Variants in MYBPC3 observed in about 807,000 individuals in gnomAD.
MYBPC3 encodes myosin binding protein C3.
Under a neutral mutation model 159.3 loss-of-function variants are expected in MYBPC3, and 108 were observed. That is an observed-to-expected ratio of 0.68 (90% CI 0.58 to 0.80). The LOEUF is 0.80. Among genes scored for constraint, MYBPC3 ranks in the 30% least tolerant of loss-of-function variants. The pLI, the probability that MYBPC3 is intolerant of heterozygous loss-of-function variation, is 0.00. For synonymous variants in MYBPC3, 730 were observed against 702.0 expected, an observed-to-expected ratio of 1.04 and a Z score of -0.63; for missense variants, 1,631 against 1,762.1, an observed-to-expected ratio of 0.93 and a Z score of 1.33.
chr11:47,332,750 C>CACAG lies in MYBPC3; in HGVS notation c.3491-49_3491-48insCTGT. ...CCGAGAGGGCCACACAAAGCTAGGC[C>CACAG]CCTCTCCCTGTTCCCACAGCCTCCC... On this transcript the variant is annotated intron_variant, in intron 31 of 34. Coordinates refer to ENST00000545968, the MANE Select transcript of MYBPC3 (RefSeq NM_000256.3). The surrounding 1 kb of genome is among the most constrained non-coding windows in gnomAD (Gnocchi z 4.2). 1 of 1,585,296 alleles carries CACAG rather than the reference C, an allele frequency of 6.3e-7. No homozygotes were observed. The highest frequency in any genetic ancestry group is 8.6e-7 in the Non-Finnish European group (1 of 1,164,954).
intron 9 of MYBPC3, 59 bp downstream of exon 9, chr11:47,347,367 T>C: frequency 6.4e-7 from 1 of 1,553,972 alleles, no homozygotes; most frequent in Non-Finnish European, 8.7e-7. Flanking sequence ...CAAACCACAG[T>C]GCTGGGATTT....
At chr11:47,347,102 T>G (rs1283418156) in intron 9 of MYBPC3, 73 bp from the exon 10 acceptor site, 2 of 1,048,306 alleles carry the variant, frequency 1.9e-6, no homozygotes. Flanking sequence ...AGAACATAAG[T>G]CAGTTGGGCC....
At chr11:47,349,752 T>C in intron 5 of MYBPC3, 22 bp downstream of exon 5, 4 of 1,598,892 alleles carry the variant, frequency 2.5e-6, no homozygotes, top group South Asian at 1.1e-5. Context: ...TCTCCGTGTC[T>C]CCACGACCCC....
chr11:47,346,997 G>GC lies in MYBPC3; in HGVS notation c.908+29dup. On this transcript the variant is annotated intron_variant, in intron 10 of 34. Coordinates refer to ENST00000545968, the MANE Select transcript of MYBPC3 (RefSeq NM_000256.3). The surrounding 1 kb of genome is among the most constrained non-coding windows in gnomAD (Gnocchi z 5.3). ...CCTCTGCACCCACCAGCGCCCTGCC[G>GC]CCCCCAAACACCCAGACCCCGATTC... 1.3e-6 allele frequency: 1 copy of GC among 775,542 alleles called. No individual in the cohort carries two copies. 48.0% of individuals were successfully genotyped at this position (775,542 alleles called of 1,614,324 possible).
chr11:47,339,228 G>C, intron 22 of MYBPC3, 96 bp downstream of exon 22: 1 of 1,339,140 alleles, frequency 7.5e-7, no homozygotes, highest in South Asian at 1.2e-5. Flanking sequence ...GGCCAAGTGT[G>C]GCACCTCCAT....
At chr11:47,352,578 C>A (rs368104846) in intron 1 of MYBPC3, 45 bp downstream of exon 1, 17 of 1,595,222 alleles carry the variant, frequency 1.1e-5, no homozygotes, top group South Asian at 7.9e-5. Context: ...ATTGTAGACA[C>A]CCCCCTGCTC....
rs942812620 is a variant in MYBPC3 at position 47,337,471 on chromosome 11, A to G, written c.2522T>C (p.Val841Ala). 2 of 1,613,872 alleles carry G rather than the reference A, an allele frequency of 1.2e-6. No individual in the cohort carries two copies. Among genetic ancestry groups the G allele is most frequent in the Non-Finnish European group, 1.7e-6 (2 of 1,179,874 alleles). ...HEARRMIEGV[V>A]YEMRVYAVNA... Reference sequence around the variant, plus strand: ...GACCGCGTAGACGCGCATCTCGTACACCACGCCCTCGATCATGCGCCGCGC... The same window carrying G: ...GACCGCGTAGACGCGCATCTCGTACGCCACGCCCTCGATCATGCGCCGCGC... Residue 841 changes from valine to alanine, a missense_variant, in exon 25 of 35, where the codon GTG becomes GCG. Physicochemically the swap from Val to Ala is moderately conservative, Grantham distance 64. Transcript: ENST00000545968.
intron 13 of MYBPC3, 100 bp from the exon 14 acceptor site, chr11:47,343,362 G>A: frequency 6.7e-7 from 1 of 1,482,486 alleles, no homozygotes; most frequent in South Asian, 1.4e-5. Context: ...AAAAGGATGG[G>A]AAATTAGGCC....
intron 17 of MYBPC3, 143 bp downstream of exon 17, chr11:47,342,435 G>T: frequency 8.9e-7 from 1 of 1,128,500 alleles, no homozygotes; most frequent in Non-Finnish European, 1.2e-6. Context: ...TTAGAGATGA[G>T]AAGGATGAGG....
At position 47,352,610 on chromosome 11, in the gene MYBPC3, G is replaced by T. The variant is rs972078881; in HGVS notation, c.25+13C>A. ...GCTCCCACACTTAGACCCAACCCCA[G>T]TCCTAAAGCTACCTGGCTTCTTCCC... is the stretch of plus-strand genomic sequence containing the variant. On this transcript the variant is annotated intron_variant, in intron 1 of 34. Transcript: ENST00000545968. 1.2e-6 allele frequency: 2 copies of T among 1,601,420 alleles called. No homozygotes were observed. The highest frequency in any genetic ancestry group is 1.7e-6 in the Non-Finnish European group (2 of 1,174,130).
In MYBPC3 at chr11:47,352,477, G is replaced by C. The variant is rs561395961; in HGVS notation, c.25+146C>G. 9 of 981,772 alleles carry C rather than the reference G, an allele frequency of 9.2e-6. No individual in the cohort carries two copies. In the East Asian group the frequency reaches 2.7e-4, roughly 29 times the overall value. The allele number at this position is 981,772 out of a possible 1,614,324, so 60.8% of individuals were successfully genotyped here. On this transcript the variant is annotated intron_variant, in intron 1 of 34. Coordinates refer to ENST00000545968, the MANE Select transcript of MYBPC3 (RefSeq NM_000256.3). The stretch of plus-strand genomic sequence containing the variant: ...AAAAAGAAACCGAGAATCAAAAAAG[G>C]ACCCTGGAGGACTGGCTGCCCCTGT...
At chr11:47,341,665 C>G (rs1430613342) in intron 18 of MYBPC3, among the ~76,000 whole-genome samples, 1 of 152,148 alleles carries the variant, frequency 6.6e-6, no homozygotes, top group Non-Finnish European at 1.5e-5. Context: ...CTGGGGAGCG[C>G]TCGACCCCGT....
Position 47,338,569 on chromosome 11 carries a change from C to CA in MYBPC3, c.2258dup (p.Lys754GlufsTer79), listed in dbSNP as rs774521272. On this transcript the variant is annotated frameshift_variant, in exon 23 of 35. Coordinates refer to ENST00000545968, the MANE Select transcript of MYBPC3 (RefSeq NM_000256.3). LOFTEE classifies it high-confidence loss of function. This position sits in a 1 kb window ranked among gnomAD's most constrained non-coding sequence, Gnocchi z 4.7. The stretch of plus-strand genomic sequence containing the variant: ...CCTGGTCCTCGCCCACAGGGTTCTT[C>CA]ACTGTGACCGTGTAGACGCCCTCAT... 1.2e-6 allele frequency: 2 copies of CA among 1,613,954 alleles called. No homozygotes were observed. The highest frequency in any genetic ancestry group is 1.7e-6 in the Non-Finnish European group (2 of 1,179,914).
chr11:47,334,225 G>C (rs1040548361), intron 27 of MYBPC3, among the ~76,000 whole-genome samples: 3 of 152,252 alleles, frequency 2.0e-5, no homozygotes, highest in Admixed American at 6.5e-5. Flanking sequence ...AAAAGGCAGG[G>C]ATCAGAGAGG....
chr11:47,339,058 C>T lies in MYBPC3; in HGVS notation c.2148+266G>A, dbSNP rs117703979. 6.4e-4 allele frequency among the ~76,000 whole-genome samples: 97 copies of T among 152,258 alleles called. No individual in the cohort carries two copies. In the East Asian group the frequency reaches 0.016, roughly 26 times the overall value. On this transcript the variant is annotated intron_variant, in intron 22 of 34. Coordinates refer to ENST00000545968, the MANE Select transcript of MYBPC3 (RefSeq NM_000256.3). ...AGCACAAGGTCAAGGTCAAGGTCAG[C>T]TTAGGATGAAGGGAGCCAGGGAGCA...
In MYBPC3 at chr11:47,346,212, C is replaced by G; in HGVS notation, c.1085G>C (p.Ser362Thr). Residue 362 changes from serine (S) to threonine (T), a missense_variant, in exon 12 of 35, where the codon AGC (serine) becomes ACC (threonine). Coordinates refer to ENST00000545968, the MANE Select transcript of MYBPC3 (RefSeq NM_000256.3). The surrounding 1 kb of genome is among the most constrained non-coding windows in gnomAD (Gnocchi z 5.3). ...CCCTCTGAGGAAGGGCTAACCTGTG[C>G]TCTTCTTCTCATCGCGCCTCATGCC... is the stretch of plus-strand genomic sequence containing the variant. The part of the protein sequence containing the change: ...LKGMRRDEKK[S>T]TAFQKKLEPA... 1.2e-6 allele frequency: 2 copies of G among 1,613,886 alleles called. No individual in the cohort carries two copies. The highest frequency in any genetic ancestry group is 1.1e-5 in the South Asian group (1 of 91,086).
Position 47,347,683 on chromosome 11 carries a change from G to A in MYBPC3, c.822-3C>T, listed in dbSNP as rs730880628. 5.7e-6 allele frequency: 9 copies of A among 1,571,042 alleles called. No homozygotes were observed. The highest frequency in any genetic ancestry group is 1.8e-4 in the Middle Eastern group (1 of 5,518). ...GCCGACCACCTCCAGCCAGGCTCCTGTGGGGGTTAGACTCAGTATCCTCAC... is the reference window on the plus strand; with the variant it reads ...GCCGACCACCTCCAGCCAGGCTCCTATGGGGGTTAGACTCAGTATCCTCAC... On this transcript the variant is annotated splice_polypyrimidine_tract_variant and splice_region_variant and intron_variant, in intron 7 of 34. Transcript: ENST00000545968.
Position 47,342,141 on chromosome 11 carries a change from ACCT to A in MYBPC3, c.1637_1639del (p.Glu546del). 6.2e-7 allele frequency: 1 copy of A among 1,613,506 alleles called. No homozygotes were observed. The highest frequency in any genetic ancestry group is 1.3e-5 in the African/African-American group (1 of 74,892). On this transcript the variant is annotated inframe_deletion, in exon 18 of 35. Coordinates refer to ENST00000545968, the MANE Select transcript of MYBPC3 (RefSeq NM_000256.3). Reference sequence around the variant, plus strand: ...CATCAGGTCTGCGATGCTCTGGTACACCTCCAGCTTCTTTTCTGCAGGGCAGGG... The same window carrying A: ...CATCAGGTCTGCGATGCTCTGGTACACCAGCTTCTTTTCTGCAGGGCAGGG...
Position 47,332,134 on chromosome 11 carries a change from T to C in MYBPC3, c.3752A>G (p.Tyr1251Cys), listed in dbSNP as rs730880602. The change falls in exon 33 of 35, where the codon TAT becomes TGT. Residue 1251 changes from tyrosine (Y) to cysteine (C), a missense_variant. Tyr to Cys is a radical substitution (Grantham distance 194). Coordinates refer to ENST00000545968, the MANE Select transcript of MYBPC3 (RefSeq NM_000256.3). The surrounding 1 kb of genome is among the most constrained non-coding windows in gnomAD (Gnocchi z 4.2). Reference protein sequence around the residue: ...RKPCPFDGGIYVCRATNLQGE... With the variant: ...RKPCPFDGGICVCRATNLQGE... Reference sequence around the variant, plus strand: ...CTGTAAGTTGGTGGCCCTGCAGACATAGATGCCCCCGTCAAAGGGGCAGGG... The same window carrying C: ...CTGTAAGTTGGTGGCCCTGCAGACACAGATGCCCCCGTCAAAGGGGCAGGG... 6.2e-7 allele frequency: 1 copy of C among 1,613,624 alleles called. No homozygotes were observed. The highest frequency in any genetic ancestry group is 8.5e-7 in the Non-Finnish European group (1 of 1,179,876).
Sources: allele counts gnomAD v4.1 joint callset (sites outside exome capture counted in the v4.1 genomes callset), GRCh38; gene constraint gnomAD v4.1.1; non-coding constraint Gnocchi (gnomAD v3.1); transcripts MANE v1.5; gene names NCBI Gene and HGNC (gene_info 2026-07-23, HGNC 2026-07-21).